ROBO1: variants seen among roughly 807,000 people sequenced by gnomAD.
ROBO1 encodes the protein roundabout guidance receptor 1, also known as roundabout homolog 1.
ROBO1 carries 149 observed loss-of-function variants against 195.9 expected under a neutral mutation model. The observed-to-expected ratio is 0.76, with a 90% confidence interval of 0.67 to 0.87. The LOEUF is 0.87. Ranked by LOEUF, ROBO1 falls within the 40% of genes least tolerant of loss-of-function variation. The pLI, the probability that ROBO1 is intolerant of heterozygous loss-of-function variation, is 0.00. For missense variants in ROBO1, 1,933 were observed against 2,068.3 expected (o/e 0.93, Z 1.27); for synonymous variants, 816 against 733.2 (o/e 1.11, Z -1.82).
At chr3:78,995,441 G>A (rs1271225148) in intron 3 of ROBO1, among the ~76,000 whole-genome samples, 1 of 152,092 alleles carries the variant, frequency 6.6e-6, no homozygotes. Flanking sequence ...CTCAGACAGA[G>A]CCATTATCAA....
chr3:78,899,035 C>T (rs1295961702), intron 4 of ROBO1, among the ~76,000 whole-genome samples: 1 of 152,138 alleles, frequency 6.6e-6, no homozygotes, highest in East Asian at 1.9e-4. Flanking sequence ...TTCCTCTCAC[C>T]TACAACTTGA....
In ROBO1 at chr3:79,649,972, G is replaced by GA. The variant is rs564376368; in HGVS notation, c.-50-60012dup. On this transcript the variant is annotated intron_variant, in intron 1 of 30. Transcript: ENST00000464233. ...TTTAGAATTTTACAAGGTTTTATGT[G>GA]AAAAAAAATAGATAATTATTGACAA... Among the ~76,000 whole-genome samples, 171 of 151,108 alleles carry GA rather than the reference G, an allele frequency of 1.1e-3. 2 individuals are homozygous for GA. Among genetic ancestry groups the GA allele is most frequent in the African/African-American group, 3.9e-3 (159 of 41,210 alleles).
intron 1 of ROBO1, among the ~76,000 whole-genome samples, chr3:79,616,022 G>A (rs1298229257): frequency 2.0e-5 from 3 of 152,144 alleles, no homozygotes; most frequent in African/African-American, 7.2e-5. Context: ...AATAGGTGGA[G>A]GTGTTTCTTT....
At chr3:78,817,435 A>G (rs1326976032) in intron 4 of ROBO1, among the ~76,000 whole-genome samples, 2 of 152,188 alleles carry the variant, frequency 1.3e-5, no homozygotes, top group African/African-American at 2.4e-5. Flanking sequence ...AAAAAAATTC[A>G]TCTGACTCAC....
intron 2 of ROBO1, among the ~76,000 whole-genome samples, chr3:79,232,182 A>G (rs994153237): frequency 6.6e-6 from 1 of 151,756 alleles, no homozygotes; most frequent in Non-Finnish European, 1.5e-5. Flanking sequence ...ACAAACCTAC[A>G]AATGTACTCC....
At chr3:79,267,025 C>G (rs915922227) in intron 2 of ROBO1, among the ~76,000 whole-genome samples, 5 of 151,388 alleles carry the variant, frequency 3.3e-5, no homozygotes, top group Non-Finnish European at 1.5e-5. Flanking sequence ...AATATGTGAA[C>G]TCTATATACA....
chr3:78,929,201 G>A (rs1020315835), intron 4 of ROBO1, among the ~76,000 whole-genome samples: 3 of 151,928 alleles, frequency 2.0e-5, no homozygotes, highest in Non-Finnish European at 2.9e-5. Context: ...TTTAAAATGC[G>A]ACTGAAGTTA....
At chr3:79,513,764 A>T (rs1401997181) in intron 2 of ROBO1, among the ~76,000 whole-genome samples, 1 of 152,174 alleles carries the variant, frequency 6.6e-6, no homozygotes, top group Non-Finnish European at 1.5e-5. Context: ...ATTTGTTGAT[A>T]TGCCAACTTC....
intron 1 of ROBO1, among the ~76,000 whole-genome samples, chr3:79,734,658 C>T (rs535748132): frequency 6.6e-6 from 1 of 152,308 alleles, no homozygotes; most frequent in South Asian, 2.1e-4. Context: ...CACAAAACTT[C>T]TTGCTCTAAA....
intron 2 of ROBO1, among the ~76,000 whole-genome samples, chr3:79,384,495 T>C (rs1170384091): frequency 6.6e-6 from 1 of 151,918 alleles, no homozygotes; most frequent in African/African-American, 2.4e-5. Flanking sequence ...TTGGAAAAAT[T>C]AAGAAATTAG....
intron 3 of ROBO1, among the ~76,000 whole-genome samples, chr3:79,094,596 G>A (rs973136258): frequency 2.6e-5 from 4 of 152,098 alleles, no homozygotes; most frequent in Non-Finnish European, 4.4e-5. Context: ...AATGCTCAAG[G>A]ATAAGTAGTC....
chr3:79,477,571 C>A (rs73848884), intron 2 of ROBO1, among the ~76,000 whole-genome samples: 3,372 of 152,056 alleles, frequency 0.022, 123 homozygotes, highest in African/African-American at 0.076. Flanking sequence ...AAAACAAAAA[C>A]AACAAGTGGG....
intron 1 of ROBO1, among the ~76,000 whole-genome samples, chr3:79,713,404 C>A (rs1702351153): frequency 6.6e-6 from 1 of 152,084 alleles, no homozygotes; most frequent in East Asian, 1.9e-4. Flanking sequence ...CCATTGAGAA[C>A]ATTTTTAATT....
chr3:79,468,095 T>C (rs189345492), intron 2 of ROBO1, among the ~76,000 whole-genome samples: 47 of 152,282 alleles, frequency 3.1e-4, no homozygotes, highest in African/African-American at 9.6e-4. Context: ...AAAACATTGA[T>C]AGAAAGACAG....
chr3:79,537,859 C>T, intron 2 of ROBO1, among the ~76,000 whole-genome samples: 1 of 151,870 alleles, frequency 6.6e-6, no homozygotes, highest in South Asian at 2.1e-4. Context: ...TGTAACAAAC[C>T]TACATGTTCT....
chr3:79,671,942 C>A, intron 1 of ROBO1, among the ~76,000 whole-genome samples: 1 of 151,852 alleles, frequency 6.6e-6, no homozygotes, highest in Admixed American at 6.6e-5. Flanking sequence ...GTGCTGGTCC[C>A]AACAACTGCG....
intron 1 of ROBO1, among the ~76,000 whole-genome samples, chr3:79,718,711 T>TA (rs34893332): frequency 6.6e-6 from 1 of 151,982 alleles, no homozygotes; most frequent in Admixed American, 6.6e-5. Context: ...TCTTATTTGT[T>TA]AAAAAAGGTT....
chr3:79,484,247 C>T (rs1222385571), intron 2 of ROBO1, among the ~76,000 whole-genome samples: 4 of 152,146 alleles, frequency 2.6e-5, no homozygotes, highest in Non-Finnish European at 4.4e-5. Flanking sequence ...CTAGACTGTA[C>T]ATTTCTCTGC....
At chr3:78,727,083 A>C (rs566761707) in intron 5 of ROBO1, among the ~76,000 whole-genome samples, 1 of 152,328 alleles carries the variant, frequency 6.6e-6, no homozygotes, top group East Asian at 1.9e-4. Flanking sequence ...TTTTTCAAAA[A>C]TAATCATGCT....
Sources: allele counts gnomAD v4.1 joint callset (sites outside exome capture counted in the v4.1 genomes callset), GRCh38; gene constraint gnomAD v4.1.1; transcripts MANE v1.5; gene names NCBI Gene and HGNC (gene_info 2026-07-23, HGNC 2026-07-21).